The following ZNF383 variants were observed in gnomAD, a reference collection of about 807,000 sequenced individuals.
ZNF383 encodes the protein zinc finger protein 383.
In ZNF383, 32 loss-of-function variants were observed where a neutral mutation model predicts 44.2. That is an observed-to-expected ratio of 0.72 (90% CI 0.55 to 0.97). The LOEUF is 0.97. ZNF383 is among the 50% of genes least tolerant of loss of function. The probability of loss-of-function intolerance (pLI) is 0.00; values close to 1 mark genes in which losing one functional copy is unlikely to be tolerated. For synonymous variants in ZNF383, 155 were observed against 186.2 expected (o/e 0.83, Z 1.36); for missense variants, 487 against 562.5 (o/e 0.87, Z 1.36).
rs111670198 is a variant in ZNF383 at position 37,241,342 on chromosome 19, A to G, written c.233-1127A>G. On this transcript the variant is annotated intron_variant, in intron 5 of 5. Coordinates refer to ENST00000684119, the MANE Select transcript of ZNF383 (RefSeq NM_001387601.1). ...AGGGGTTTCCAAGGTCTCAGGTTCA[A>G]TAATTTGTTAGAATGACTCATAGAA... Among the ~76,000 whole-genome samples, 552 of 152,276 alleles carry G rather than the reference A, an allele frequency of 3.6e-3. 3 individuals are homozygous for G. The highest frequency in any genetic ancestry group is 0.013 in the African/African-American group (528 of 41,568).
chr19:37,224,590 T>G (rs939742567), intron 1 of ZNF383, among the ~76,000 whole-genome samples: 1 of 152,106 alleles, frequency 6.6e-6, no homozygotes, highest in Non-Finnish European at 1.5e-5. Context: ...TCTCACTCTG[T>G]CACCCAGGCT....
rs1016288527 is a variant in ZNF383 at position 37,226,755 on chromosome 19, A to G, written c.-46+1816A>G. On this transcript the variant is annotated intron_variant, in intron 2 of 5. Transcript: ENST00000684119. ...CAAGATGTGTGCTTTAAATTTTTGC[A>G]TGGTGAAATCTGCAGTTTCACTATA... 9 of 152,290 alleles carry G rather than the reference A, an allele frequency of 5.9e-5. No individual in the cohort carries two copies. In the East Asian group the frequency reaches 1.2e-3, roughly 20 times the overall value. 9.4% of individuals were successfully genotyped at this position (152,290 alleles called of 1,614,324 possible). A position where few individuals can be genotyped will look rare whatever the true frequency, so the allele number is the denominator to read the frequency against.
chr19:37,242,454 T>G lies in ZNF383; in HGVS notation c.233-15T>G, dbSNP rs906953672. The G allele has an allele frequency of 1.9e-5, 29 of 1,493,888 alleles. No individual in the cohort carries two copies. The highest frequency in any genetic ancestry group is 2.6e-5 in the Non-Finnish European group (29 of 1,097,844). 92.5% of individuals were successfully genotyped at this position (1,493,888 alleles called of 1,614,324 possible). On this transcript the variant is annotated splice_polypyrimidine_tract_variant and intron_variant, in intron 5 of 5. Coordinates refer to ENST00000684119, the MANE Select transcript of ZNF383 (RefSeq NM_001387601.1). Reference sequence around the variant, plus strand: ...AATAGGAAAAAAGAACATTTACCATTTTATTTTCTTTCAGATCTGGAATCG... The same window carrying G: ...AATAGGAAAAAAGAACATTTACCATGTTATTTTCTTTCAGATCTGGAATCG...
intron 2 of ZNF383, among the ~76,000 whole-genome samples, chr19:37,229,481 CAG>C (rs989608913): frequency 7.8e-6 from 1 of 128,518 alleles, no homozygotes; most frequent in Admixed American, 8.4e-5. Context: ...TTTTTTGAGT[CAG>C]AGTCTCACCC....
intron 1 of ZNF383, among the ~76,000 whole-genome samples, chr19:37,219,016 A>G (rs975851207): frequency 1.2e-4 from 19 of 152,050 alleles, no homozygotes; most frequent in African/African-American, 3.6e-4. Flanking sequence ...CTTATCCTCA[A>G]GGTAGATGTG....
intron 5 of ZNF383, among the ~76,000 whole-genome samples, chr19:37,239,062 G>T (rs1386827572): frequency 6.6e-6 from 1 of 152,124 alleles, no homozygotes; most frequent in Non-Finnish European, 1.5e-5. Context: ...TGGGATTATA[G>T]GCGCCTGCCA....
intron 2 of ZNF383, among the ~76,000 whole-genome samples, chr19:37,228,700 T>C (rs972510073): frequency 6.6e-6 from 1 of 152,066 alleles, no homozygotes; most frequent in East Asian, 1.9e-4. Context: ...CCTTCTGGCT[T>C]TGGTACAGTT....
intron 1 of ZNF383, among the ~76,000 whole-genome samples, chr19:37,222,108 A>G (rs979888383): frequency 6.6e-6 from 1 of 152,146 alleles, no homozygotes; most frequent in African/African-American, 2.4e-5. Context: ...TTTGTCTTCT[A>G]TAGCCATAGA....
At chr19:37,220,197 T>C (rs1410658557) in intron 1 of ZNF383, among the ~76,000 whole-genome samples, 1 of 152,214 alleles carries the variant, frequency 6.6e-6, no homozygotes, top group African/African-American at 2.4e-5. Context: ...TCACTAAAAA[T>C]TATGTATGGT....
At position 37,245,481 on chromosome 19, in the gene ZNF383, T is replaced by G. The variant is rs1568536466; in HGVS notation, c.*1817T>G. 3 of 129,010 alleles carry G rather than the reference T, an allele frequency of 2.3e-5. No individual in the cohort carries two copies. The highest frequency in any genetic ancestry group is 3.1e-5 in the Non-Finnish European group (2 of 63,538). The allele number at this position is 129,010 out of a possible 1,614,324, so 8.0% of individuals were successfully genotyped here. ...GATATTAATTTTTTGTTTGTTTGTT[T>G]TTTTTTTTTTTTGAGATGGAGTTCA... On this transcript the variant is annotated 3_prime_UTR_variant, in exon 6 of 6. Transcript: ENST00000684119.
At chr19:37,241,290 G>A (rs184675438) in intron 5 of ZNF383, among the ~76,000 whole-genome samples, 128 of 152,296 alleles carry the variant, frequency 8.4e-4, no homozygotes, top group South Asian at 2.7e-3. Context: ...GCTACCTGCA[G>A]GTCAGCCAGC....
In ZNF383 at chr19:37,242,998, T is replaced by C; in HGVS notation, c.762T>C (p.Tyr254=). 6.2e-7 allele frequency: 1 copy of C among 1,614,150 alleles called. No individual in the cohort carries two copies. The highest frequency in any genetic ancestry group is 8.5e-7 in the Non-Finnish European group (1 of 1,180,036). ...GAATCCATACCGGTAAGAAACCCTA[T>C]GAATGTAAGGAATGTGGGAAGGCCT... ...HQRIHTGKKP[Y]ECKECGKAFS... Residue 254 remains tyrosine, a synonymous_variant, in exon 6 of 6, where the codon TAT becomes TAC. Transcript: ENST00000684119.
chr19:37,227,439 C>G (rs1037562496), intron 2 of ZNF383: 2 of 152,188 alleles, frequency 1.3e-5, no homozygotes, highest in Admixed American at 1.3e-4. Context: ...TTTTAAAAAA[C>G]TTAAATCTCC....
rs1243186737 is a variant in ZNF383, at chr19:37,244,093, AT to A, written c.*430del. 1 of 152,126 alleles carries A rather than the reference AT, an allele frequency of 6.6e-6. No individual in the cohort carries two copies. The highest frequency in any genetic ancestry group is 1.5e-5 in the Non-Finnish European group (1 of 68,142). The allele number at this position is 152,126 out of a possible 1,614,324, so 9.4% of individuals were successfully genotyped here. Reference sequence around the variant, plus strand: ...TGTTTTATTTTATTATTATTATTATATGTTTTTTGAGACGGAGTTTCACTCT... The same window carrying A: ...TGTTTTATTTTATTATTATTATTATAGTTTTTTGAGACGGAGTTTCACTCT... On this transcript the variant is annotated 3_prime_UTR_variant, in exon 6 of 6. Transcript: ENST00000684119.
At chr19:37,237,263 G>T (rs1973860409) in intron 5 of ZNF383, among the ~76,000 whole-genome samples, 1 of 152,132 alleles carries the variant, frequency 6.6e-6, no homozygotes, top group Non-Finnish European at 1.5e-5. Context: ...AAGGAGTTTA[G>T]CAGAAAGTCA....
At chr19:37,239,302 C>CAGT (rs139098106) in intron 5 of ZNF383, among the ~76,000 whole-genome samples, 3,705 of 152,056 alleles carry the variant, frequency 0.024, 168 homozygotes, top group African/African-American at 0.084. Context: ...ACCATAGTAG[C>CAGT]AGTAGTAGTA....
At chr19:37,235,759 G>A (rs1973760365) in intron 4 of ZNF383, 84 bp downstream of exon 4, 2 of 1,446,992 alleles carry the variant, frequency 1.4e-6, no homozygotes, top group African/African-American at 1.4e-5. Flanking sequence ...TGCTTTTCAG[G>A]TTACTAGCTG....
chr19:37,234,480 C>G (rs1447580723), intron 3 of ZNF383, among the ~76,000 whole-genome samples: 2 of 152,118 alleles, frequency 1.3e-5, no homozygotes, highest in African/African-American at 4.8e-5. Context: ...GCTCCGCCTC[C>G]CGGATTCACG....
intron 1 of ZNF383, among the ~76,000 whole-genome samples, chr19:37,221,258 C>A (rs1196527679): frequency 6.6e-6 from 1 of 152,086 alleles, no homozygotes; most frequent in African/African-American, 2.4e-5. Context: ...CTGCTGATAC[C>A]ATGATATATC....
Sources: allele counts gnomAD v4.1 joint callset (sites outside exome capture counted in the v4.1 genomes callset), GRCh38; gene constraint gnomAD v4.1.1; transcripts MANE v1.5; gene names NCBI Gene and HGNC (gene_info 2026-07-23, HGNC 2026-07-21).